Variants in MPHOSPH8 observed in about 807,000 individuals in gnomAD.
MPHOSPH8 encodes M-phase phosphoprotein 8, also known as M-phase phosphoprotein, mpp.
MPHOSPH8 carries 45 observed loss-of-function variants against 87.3 expected under a neutral mutation model. That is an observed-to-expected ratio of 0.52 (90% CI 0.41 to 0.66). The LOEUF is 0.66. Ranked by LOEUF, MPHOSPH8 falls within the 30% of genes least tolerant of loss-of-function variation. The probability of loss-of-function intolerance (pLI) is 0.00; values close to 1 mark genes in which losing one functional copy is unlikely to be tolerated. For missense variants in MPHOSPH8, 883 were observed against 1,020.2 expected (o/e 0.87, Z 1.83); for synonymous variants, 366 against 376.9 (o/e 0.97, Z 0.33).
chr13:19,671,177 C>G, intron 12 of MPHOSPH8, 29 bp from the exon 13 acceptor site: 1 of 1,607,618 alleles, frequency 6.2e-7, no homozygotes, highest in Non-Finnish European at 8.5e-7. Flanking sequence ...TTTGAAAACA[C>G]TGACTTTTTT....
intron 1 of MPHOSPH8, among the ~76,000 whole-genome samples, chr13:19,641,354 G>A (rs1273754111): frequency 1.4e-5 from 2 of 142,686 alleles, no homozygotes; most frequent in African/African-American, 5.2e-5. Flanking sequence ...ATGGAGTCTC[G>A]CTCTTTTGCC....
In MPHOSPH8 at chr13:19,673,284, ATTG is replaced by A; in HGVS notation, c.*1412_*1414del. ...AGTCTGGGTTATGGAGAAGTTGAAAATTGTTTTGTTCCTCATTAGTTTATAATT... is the reference window on the plus strand; with the variant it reads ...AGTCTGGGTTATGGAGAAGTTGAAAATTTTGTTCCTCATTAGTTTATAATT... On this transcript the variant is annotated 3_prime_UTR_variant, in exon 14 of 14. Coordinates refer to ENST00000361479, the MANE Select transcript of MPHOSPH8 (RefSeq NM_017520.4). The A allele has an allele frequency of 2.7e-6, 1 of 369,372 alleles. No homozygotes were observed. The highest frequency in any genetic ancestry group is 2.0e-5 in the South Asian group (1 of 49,068). 22.9% of individuals were successfully genotyped at this position (369,372 alleles called of 1,614,324 possible).
intron 1 of MPHOSPH8, among the ~76,000 whole-genome samples, chr13:19,638,486 G>T (rs943546427): frequency 6.6e-6 from 1 of 150,584 alleles, no homozygotes; most frequent in African/African-American, 2.4e-5. Context: ...GGTGGTGTGC[G>T]CCTGTAGTCT....
intron 10 of MPHOSPH8, among the ~76,000 whole-genome samples, chr13:19,667,724 G>T (rs1875892715): frequency 6.6e-6 from 1 of 152,148 alleles, no homozygotes; most frequent in Non-Finnish European, 1.5e-5. Flanking sequence ...TGGTTGTCAA[G>T]ATTTACTAGT....
At chr13:19,651,281 C>T (rs184916793) in intron 5 of MPHOSPH8, among the ~76,000 whole-genome samples, 1 of 152,324 alleles carries the variant, frequency 6.6e-6, no homozygotes, top group East Asian at 1.9e-4. Flanking sequence ...AGTCCCAGCA[C>T]TTTGGGAGGT....
At chr13:19,649,902 A>T in intron 4 of MPHOSPH8, 101 bp from the exon 5 acceptor site, 1 of 1,079,322 alleles carries the variant, frequency 9.3e-7, no homozygotes, top group Non-Finnish European at 1.3e-6. Context: ...AGTAAAAATT[A>T]AGAAAATATC....
intron 11 of MPHOSPH8, 106 bp from the exon 12 acceptor site, chr13:19,670,130 G>A (rs1386088224): frequency 7.2e-7 from 1 of 1,393,252 alleles, no homozygotes; most frequent in Admixed American, 1.9e-5. Flanking sequence ...GGTGATGCCT[G>A]TCTGACCAGG....
chr13:19,654,987 C>T (rs892297790), intron 5 of MPHOSPH8, among the ~76,000 whole-genome samples: 3 of 151,546 alleles, frequency 2.0e-5, no homozygotes, highest in East Asian at 3.9e-4. Flanking sequence ...GCTCACTAAA[C>T]GAAGTCACAC....
At chr13:19,649,013 A>T (rs1333063860) in intron 4 of MPHOSPH8, among the ~76,000 whole-genome samples, 1 of 152,202 alleles carries the variant, frequency 6.6e-6, no homozygotes. Flanking sequence ...TAAGAGATGG[A>T]TGCTTTTCCT....
chr13:19,650,643 T>A (rs1874794070), intron 5 of MPHOSPH8, among the ~76,000 whole-genome samples: 4 of 152,152 alleles, frequency 2.6e-5, no homozygotes, highest in Admixed American at 2.6e-4. Flanking sequence ...CTAAATAAGA[T>A]TATATTATAA....
intron 5 of MPHOSPH8, among the ~76,000 whole-genome samples, chr13:19,654,052 A>G (rs1330005028): frequency 6.6e-6 from 1 of 152,230 alleles, no homozygotes; most frequent in African/African-American, 2.4e-5. Context: ...CAGGAAATAC[A>G]GAGAGCAGCA....
chr13:19,638,975 T>C (rs996832641), intron 1 of MPHOSPH8, among the ~76,000 whole-genome samples: 37 of 150,610 alleles, frequency 2.5e-4, no homozygotes, highest in Non-Finnish European at 1.3e-4. Context: ...CCCAGCTACT[T>C]GGGAGGGAGA....
At chr13:19,657,543 G>A (rs984498679) in intron 5 of MPHOSPH8, among the ~76,000 whole-genome samples, 3 of 151,800 alleles carry the variant, frequency 2.0e-5, no homozygotes, top group African/African-American at 4.8e-5. Flanking sequence ...ACTCCAGCCT[G>A]GGGACAGAGC....
chr13:19,635,702 C>T (rs895755011), intron 1 of MPHOSPH8, among the ~76,000 whole-genome samples: 3 of 152,256 alleles, frequency 2.0e-5, no homozygotes, highest in East Asian at 3.9e-4. Flanking sequence ...GGCAATTAGG[C>T]TTTAGTGTTG....
At chr13:19,642,010 A>G in intron 1 of MPHOSPH8, 105 bp from the exon 2 acceptor site, 2 of 1,017,526 alleles carry the variant, frequency 2.0e-6, no homozygotes, top group Admixed American at 3.7e-5. Flanking sequence ...CTTAGAAGCA[A>G]TTTTCAAGTT....
chr13:19,642,273 A>G lies in MPHOSPH8; in HGVS notation c.369+3A>G, dbSNP rs1874335724. On this transcript the variant is annotated splice_donor_region_variant and intron_variant, in intron 2 of 13. Transcript: ENST00000361479. The stretch of plus-strand genomic sequence containing the variant: ...AAGCAGTCAGGAAGGATATTCAGGT[A>G]CTATGTTTTGTCTCATATTTGTTTT... The G allele has an allele frequency of 1.9e-6, 3 of 1,580,694 alleles. No individual in the cohort carries two copies. Among genetic ancestry groups the G allele is most frequent in the Non-Finnish European group, 2.6e-6 (3 of 1,169,664 alleles).
intron 7 of MPHOSPH8, among the ~76,000 whole-genome samples, chr13:19,660,700 A>G (rs1465166425): frequency 6.6e-6 from 1 of 152,148 alleles, no homozygotes; most frequent in African/African-American, 2.4e-5. Context: ...TATATGTTTT[A>G]TAATGGTCAT....
rs1184563688 is a variant in MPHOSPH8 at position 19,646,623 on chromosome 13, C to T, written c.550C>T (p.Pro184Ser). 6.3e-7 allele frequency: 1 copy of T among 1,586,580 alleles called. No individual in the cohort carries two copies. Among genetic ancestry groups the T allele is most frequent in the Non-Finnish European group, 8.5e-7 (1 of 1,173,726 alleles). ...KAGKLKDKSK[P>S]DLESSLESLV... ...CGGGAAGCTAAAAGACAAGTCCAAA[C>T]CAGACCTGGAGAGCTCCTTGGAAAG... is the stretch of plus-strand genomic sequence containing the variant. The change falls in exon 3 of 14, where the codon CCA becomes TCA. Residue 184 changes from proline (P) to serine (S), a missense_variant. Transcript: ENST00000361479.
rs756035659 is a variant in MPHOSPH8, at chr13:19,668,575, C to T, written c.2329+44C>T. On this transcript the variant is annotated intron_variant, in intron 11 of 13. Transcript: ENST00000361479. ...TCACACTTTTCTATGTGAAGTGTGACACTATATTAACAGATTTTTAGACAG... is the reference window on the plus strand; with the variant it reads ...TCACACTTTTCTATGTGAAGTGTGATACTATATTAACAGATTTTTAGACAG... The T allele has an allele frequency of 5.1e-6, 8 of 1,557,462 alleles. No homozygotes were observed. In the African/African-American group the frequency reaches 9.6e-5, roughly 19 times the overall value.
Sources: allele counts gnomAD v4.1 joint callset (sites outside exome capture counted in the v4.1 genomes callset), GRCh38; gene constraint gnomAD v4.1.1; transcripts MANE v1.5; gene names NCBI Gene and HGNC (gene_info 2026-07-23, HGNC 2026-07-21).